The following RB1 variants were observed in gnomAD, a reference collection of about 807,000 sequenced individuals.
RB1 encodes RB transcriptional corepressor 1, also known as retinoblastoma-associated protein.
A neutral mutation model predicts 135.4 loss-of-function variants in RB1; 18 were observed. The ratio of observed to expected loss-of-function variants is 0.13; its 90% CI spans 0.09 to 0.20. The LOEUF (loss-of-function observed/expected upper bound fraction) is 0.20, where lower values mean the gene tolerates loss of function less well. Among genes scored for constraint, RB1 ranks in the 10% least tolerant of loss-of-function variants. The pLI is 1.00. For missense variants in RB1, 868 were observed against 1,110.0 expected (o/e 0.78, Z 3.10); for synonymous variants, 365 against 373.2 (o/e 0.98, Z 0.25).
intron 9 of RB1, among the ~76,000 whole-genome samples, chr13:48,366,709 T>C (rs962641801): frequency 6.6e-6 from 1 of 152,242 alleles, no homozygotes; most frequent in African/African-American, 2.4e-5. Flanking sequence ...TTGCCCAAGA[T>C]ACTTAACTGA....
chr13:48,342,142 A>C (rs1427696565), intron 2 of RB1, among the ~76,000 whole-genome samples: 2 of 152,016 alleles, frequency 1.3e-5, no homozygotes, highest in Non-Finnish European at 2.9e-5. Flanking sequence ...ATGAAATACA[A>C]GGTTAAAAAT....
rs1287285763 is a variant in RB1 at position 48,328,362 on chromosome 13, G to A, written c.265-14237G>A. The A allele has an allele frequency of 1.9e-6, 3 of 1,549,258 alleles. No individual in the cohort carries two copies. In the African/African-American group the frequency reaches 4.1e-5, roughly 21 times the overall value. ...ACTTGATCCAAGTTTGATGGATATGGGTGATGCTTTCTTTGTCGTCTGACT... is the reference window on the plus strand; with the variant it reads ...ACTTGATCCAAGTTTGATGGATATGAGTGATGCTTTCTTTGTCGTCTGACT... On this transcript the variant is annotated intron_variant, in intron 2 of 26. Transcript: ENST00000267163.
chr13:48,326,809 G>A (rs1466437422), intron 2 of RB1, among the ~76,000 whole-genome samples: 1 of 151,602 alleles, frequency 6.6e-6, no homozygotes, highest in African/African-American at 2.4e-5. Context: ...TTTTTATACT[G>A]TATTTTTTTT....
intron 6 of RB1, 102 bp from the exon 7 acceptor site, chr13:48,359,915 T>C: frequency 1.3e-6 from 2 of 1,506,636 alleles, no homozygotes; most frequent in Non-Finnish European, 1.8e-6. Flanking sequence ...TGATAGTGAT[T>C]GTTGAATGAA....
intron 17 of RB1, among the ~76,000 whole-genome samples, chr13:48,442,489 G>T (rs1353612641): frequency 2.0e-5 from 3 of 152,144 alleles, no homozygotes; most frequent in Non-Finnish European, 4.4e-5. Flanking sequence ...AGTTAGAACA[G>T]GATTTTTTTC....
chr13:48,367,514 A>G lies in RB1; in HGVS notation c.960A>G (p.Arg320=). Residue 320 remains arginine, a synonymous_variant, in exon 10 of 27, where the codon CGA becomes CGG. Transcript: ENST00000267163. The stretch of plus-strand genomic sequence containing the variant: ...TCAAGGTTGAAAATCTTTCTAAACG[A>G]TACGAAGAAATTTATCTTAAAAATA... ...GLPEVENLSK[R]YEEIYLKNKD... is the part of the protein sequence containing the mutation. 1.2e-6 allele frequency: 2 copies of G among 1,604,310 alleles called. No homozygotes were observed. Among genetic ancestry groups the G allele is most frequent in the Non-Finnish European group, 1.7e-6 (2 of 1,174,272 alleles).
intron 17 of RB1, among the ~76,000 whole-genome samples, chr13:48,397,331 C>T (rs907209760): frequency 4.6e-5 from 7 of 152,084 alleles, no homozygotes; most frequent in Non-Finnish European, 8.8e-5. Context: ...AGGATGAGTT[C>T]GTGTCCTTTG....
At chr13:48,458,335 A>AT (rs765916694) in intron 19 of RB1, among the ~76,000 whole-genome samples, 23 of 152,130 alleles carry the variant, frequency 1.5e-4, no homozygotes, top group Admixed American at 4.6e-4. Context: ...GTGTCTGTGC[A>AT]TGCGTATATA....
At chr13:48,430,246 T>C (rs981744412) in intron 17 of RB1, among the ~76,000 whole-genome samples, 5 of 152,166 alleles carry the variant, frequency 3.3e-5, no homozygotes, top group Non-Finnish European at 5.9e-5. Flanking sequence ...ATTTATCCAC[T>C]TCAAATCAGT....
intron 17 of RB1, among the ~76,000 whole-genome samples, chr13:48,400,063 A>G (rs1948678753): frequency 6.6e-6 from 1 of 152,106 alleles, no homozygotes; most frequent in Non-Finnish European, 1.5e-5. Flanking sequence ...CTAACAACTC[A>G]GGAATGTCCT....
chr13:48,328,436 T>A (rs1952306177), intron 2 of RB1: 1 of 1,119,252 alleles, frequency 8.9e-7, no homozygotes, highest in African/African-American at 1.5e-5. Context: ...TTGTTGGAGG[T>A]CTGCAGCTTC....
chr13:48,426,267 T>C (rs941373263), intron 17 of RB1, among the ~76,000 whole-genome samples: 3 of 152,224 alleles, frequency 2.0e-5, no homozygotes, highest in African/African-American at 7.2e-5. Flanking sequence ...ATCTTAACTT[T>C]ATAGAAATAA....
At chr13:48,325,865 A>C (rs932888792) in intron 2 of RB1, among the ~76,000 whole-genome samples, 1 of 151,600 alleles carries the variant, frequency 6.6e-6, no homozygotes, top group Non-Finnish European at 1.5e-5. Context: ...TAGAAGTAGA[A>C]CTGCTAGGTC....
At chr13:48,454,104 G>A (rs4151582) in intron 18 of RB1, among the ~76,000 whole-genome samples, 1,873 of 152,196 alleles carry the variant, frequency 0.012, 32 homozygotes, top group African/African-American at 0.042. Flanking sequence ...CAGCCCATAA[G>A]GTAACAGATA....
At position 48,480,586 on chromosome 13, in the gene RB1, G is replaced by A. The variant is rs905654319; in HGVS notation, c.*515G>A. On this transcript the variant is annotated 3_prime_UTR_variant, in exon 27 of 27. Coordinates refer to ENST00000267163, the MANE Select transcript of RB1 (RefSeq NM_000321.3). ...TATCCTGAACTCTTCTGCAAAAATG[G>A]ATATTATTAGAAATTAGAAAAAAAT... The A allele has an allele frequency of 1.3e-5, 3 of 226,258 alleles. No homozygotes were observed. Among genetic ancestry groups the A allele is most frequent in the Admixed American group, 5.7e-5 (1 of 17,554 alleles). The allele number at this position is 226,258 out of a possible 1,614,324, so 14.0% of individuals were successfully genotyped here.
intron 23 of RB1, 130 bp downstream of exon 23, chr13:48,465,498 T>A: frequency 9.7e-7 from 1 of 1,033,892 alleles, no homozygotes; most frequent in Non-Finnish European, 1.4e-6. Flanking sequence ...CTTATTTAAG[T>A]AACATAATAA....
intron 2 of RB1, among the ~76,000 whole-genome samples, chr13:48,342,143 G>A (rs1189903485): frequency 6.6e-6 from 1 of 151,608 alleles, no homozygotes; most frequent in African/African-American, 2.4e-5. Flanking sequence ...TGAAATACAA[G>A]GTTAAAAATA....
chr13:48,317,177 A>G, intron 2 of RB1: 2 of 606,526 alleles, frequency 3.3e-6, no homozygotes, highest in Non-Finnish European at 5.0e-6. Flanking sequence ...GGCCCTGTGG[A>G]GGCAGCCCCA....
At chr13:48,439,269 A>G (rs1949213962) in intron 17 of RB1, among the ~76,000 whole-genome samples, 1 of 152,222 alleles carries the variant, frequency 6.6e-6, no homozygotes, top group East Asian at 1.9e-4. Flanking sequence ...GAGATAATAT[A>G]TGTAAAATAT....
Sources: allele counts gnomAD v4.1 joint callset (sites outside exome capture counted in the v4.1 genomes callset), GRCh38; gene constraint gnomAD v4.1.1; transcripts MANE v1.5; gene names NCBI Gene and HGNC (gene_info 2026-07-23, HGNC 2026-07-21).